The following CACNA1G variants were observed in gnomAD, a reference collection of about 807,000 sequenced individuals.
The protein encoded by CACNA1G is voltage-dependent T-type calcium channel subunit alpha-1G.
In CACNA1G, 67 loss-of-function variants were observed where a neutral mutation model predicts 219.4. The ratio of observed to expected loss-of-function variants is 0.31; its 90% confidence interval spans 0.25 to 0.37. CACNA1G has a LOEUF of 0.37. Among genes scored for constraint, CACNA1G ranks in the 10% least tolerant of loss-of-function variants. The pLI is 1.00. For synonymous variants in CACNA1G, 1,296 were observed against 1,345.3 expected, an observed-to-expected ratio of 0.96 and a Z score of 0.80; for missense variants, 2,380 against 3,231.4, an observed-to-expected ratio of 0.74 and a Z score of 6.39.
chr17:50,574,166 A>C (rs2040076892), intron 7 of CACNA1G, among the ~76,000 whole-genome samples: 1 of 152,214 alleles, frequency 6.6e-6, no homozygotes, highest in African/African-American at 2.4e-5. Context: ...CCAAGATCAC[A>C]CAGAAAGTAA....
In CACNA1G at chr17:50,575,602, G is replaced by A; in HGVS notation, c.1200G>A (p.Glu400=). ...TGGTGATTGCCACGCAGTTCTCAGA[G>A]ACCAAGCAGCGGGAAAGCCAGCTGA... The part of the protein sequence containing the change: ...CLVVIATQFS[E]TKQRESQLMR... The change falls in exon 8 of 38, where the codon GAG becomes GAA. Residue 400 remains glutamate (E), a synonymous_variant. Transcript: ENST00000359106. The A allele has an allele frequency of 6.2e-7, 1 of 1,613,670 alleles. No individual in the cohort carries two copies. The highest frequency in any genetic ancestry group is 1.1e-5 in the South Asian group (1 of 91,062).
chr17:50,583,713 G>T lies in CACNA1G; in HGVS notation c.2301+5149G>T, dbSNP rs73340233. 6.2e-3 allele frequency among the ~76,000 whole-genome samples: 946 copies of T among 152,086 alleles called. 6 individuals carry two copies. The highest frequency in any genetic ancestry group is 0.022 in the African/African-American group (903 of 41,442). ...GGTGGGTAGGAGCAGAGAGATCTAGGTGGAGGGATTAAGGCACATGCACAG... is the reference window on the plus strand; with the variant it reads ...GGTGGGTAGGAGCAGAGAGATCTAGTTGGAGGGATTAAGGCACATGCACAG... On this transcript the variant is annotated intron_variant, in intron 9 of 37. Transcript: ENST00000359106.
chr17:50,586,495 G>A (rs1424789623), intron 9 of CACNA1G, among the ~76,000 whole-genome samples: 1 of 152,206 alleles, frequency 6.6e-6, no homozygotes, highest in South Asian at 2.1e-4. Context: ...GACCTCAGCC[G>A]GGATTGAGCT....
chr17:50,617,396 C>G lies in CACNA1G; in HGVS notation c.5022-42C>G. 1.3e-6 allele frequency: 2 copies of G among 1,581,736 alleles called. No individual in the cohort carries two copies. Reference sequence around the variant, plus strand: ...CCACGACTGCCCCCTCCTTCAGGAACCCCCTCCCCCAACTCAGGGAGCTGT... The same window carrying G: ...CCACGACTGCCCCCTCCTTCAGGAAGCCCCTCCCCCAACTCAGGGAGCTGT... On this transcript the variant is annotated intron_variant, in intron 28 of 37. Coordinates refer to ENST00000359106, the MANE Select transcript of CACNA1G (RefSeq NM_018896.5). This position sits in a 1 kb window ranked among gnomAD's most constrained non-coding sequence, Gnocchi z 5.8.
intron 1 of CACNA1G, among the ~76,000 whole-genome samples, chr17:50,562,762 G>A (rs564985673): frequency 6.6e-6 from 1 of 152,286 alleles, no homozygotes; most frequent in South Asian, 2.1e-4. Flanking sequence ...CGTAGACTCC[G>A]CAGATAGGTT....
chr17:50,607,108 C>A, intron 24 of CACNA1G, 119 bp downstream of exon 24: 1 of 799,272 alleles, frequency 1.3e-6, no homozygotes, highest in Non-Finnish European at 2.2e-6. Flanking sequence ...TCATATTTTA[C>A]AGCAGAGGCT....
chr17:50,604,035 C>A, intron 21 of CACNA1G, 120 bp from the exon 22 acceptor site: 1 of 1,013,530 alleles, frequency 9.9e-7, no homozygotes, highest in Non-Finnish European at 1.4e-6. Flanking sequence ...GACTTGTGTT[C>A]TGCCACCAGA....
intron 34 of CACNA1G, among the ~76,000 whole-genome samples, chr17:50,620,380 C>T (rs1051013288): frequency 1.3e-5 from 2 of 152,208 alleles, no homozygotes; most frequent in African/African-American, 4.8e-5. Flanking sequence ...ATAGAAGGCT[C>T]CAGCTGGGAG....
rs375878431 is a variant in CACNA1G, at chr17:50,617,934, C to T, written c.5226+5C>T. 6.2e-7 allele frequency: 1 copy of T among 1,613,596 alleles called. No individual in the cohort carries two copies. The highest frequency in any genetic ancestry group is 1.1e-5 in the South Asian group (1 of 91,072). On this transcript the variant is annotated splice_donor_5th_base_variant and intron_variant, in intron 30 of 37. Coordinates refer to ENST00000359106, the MANE Select transcript of CACNA1G (RefSeq NM_018896.5). The surrounding 1 kb of genome is among the most constrained non-coding windows in gnomAD (Gnocchi z 5.8). ...GTGATGCAGGCCCTGCCCCAGGTAGCCGGGAGGTGGGGGGCCTCTGGGGAG... is the reference window on the plus strand; with the variant it reads ...GTGATGCAGGCCCTGCCCCAGGTAGTCGGGAGGTGGGGGGCCTCTGGGGAG...
intron 9 of CACNA1G, among the ~76,000 whole-genome samples, chr17:50,588,923 C>A (rs1306801601): frequency 6.6e-6 from 1 of 152,192 alleles, no homozygotes; most frequent in Non-Finnish European, 1.5e-5. Context: ...AAACTAGGGC[C>A]ATTAGGATAC....
In CACNA1G at chr17:50,590,316, G is replaced by A. The variant is rs138787952; in HGVS notation, c.2302-155G>A. On this transcript the variant is annotated intron_variant, in intron 9 of 37. Transcript: ENST00000359106. ...GGTGCATTTCCTCCTGGAGCCTTTG[G>A]GGCAGGGTCCTCCCCATGGGCCTGA... Among the ~76,000 whole-genome samples, 224 of 152,198 alleles carry A rather than the reference G, an allele frequency of 1.5e-3. 1 individual carries two copies. Among genetic ancestry groups the A allele is most frequent in the Non-Finnish European group, 2.6e-3 (178 of 67,984 alleles).
Position 50,591,734 on chromosome 17 carries a change from C to T in CACNA1G, c.2640-5C>T, listed in dbSNP as rs957599265. On this transcript the variant is annotated splice_polypyrimidine_tract_variant and splice_region_variant and intron_variant, in intron 11 of 37. Transcript: ENST00000359106. The stretch of plus-strand genomic sequence containing the variant: ...CCCTAGCTTGTGGCCCCCTTGTGCC[C>T]ACAGCATCCTGGGCATGCATCTCTT... 5.0e-6 allele frequency: 8 copies of T among 1,613,530 alleles called. No homozygotes were observed. The highest frequency in any genetic ancestry group is 1.1e-5 in the South Asian group (1 of 91,076).
At chr17:50,613,029 G>T (rs963809130) in intron 26 of CACNA1G, among the ~76,000 whole-genome samples, 2 of 152,202 alleles carry the variant, frequency 1.3e-5, no homozygotes, top group Admixed American at 1.3e-4. Context: ...GGGTGGCATC[G>T]CCAGGCCCCA....
rs942641431 is a variant in CACNA1G at position 50,569,573 on chromosome 17, G to C, written c.489-133G>C. On this transcript the variant is annotated intron_variant, in intron 3 of 37. Transcript: ENST00000359106. ...CCCCAGACAGAGAGCCGGATCTTCAGGGTCCCTTGGTGAAGAAGAAGAAGG... is the reference window on the plus strand; with the variant it reads ...CCCCAGACAGAGAGCCGGATCTTCACGGTCCCTTGGTGAAGAAGAAGAAGG... The C allele has an allele frequency of 2.3e-4, 158 of 701,444 alleles. 1 individual carries two copies. In the Admixed American group the frequency reaches 3.5e-3, roughly 15 times the overall value. The allele number at this position is 701,444 out of a possible 1,614,324, so 43.5% of individuals were successfully genotyped here.
At position 50,578,477 on chromosome 17, in the gene CACNA1G, G is replaced by A. The variant is rs754691528; in HGVS notation, c.2214G>A (p.Lys738=). 6.3e-7 allele frequency: 1 copy of A among 1,594,626 alleles called. No individual in the cohort carries two copies. The highest frequency in any genetic ancestry group is 8.6e-7 in the Non-Finnish European group (1 of 1,168,256). ...GGCTAATCTGTGACACCTTCCGAAA[G>A]ATTGTGGACAGCAAGTACTTTGGCC... ...FWRLICDTFR[K]IVDSKYFGRG... The change falls in exon 9 of 38, where the codon AAG becomes AAA. Residue 738 remains lysine, a synonymous_variant. Transcript: ENST00000359106. This position sits in a 1 kb window ranked among gnomAD's most constrained non-coding sequence, Gnocchi z 4.5.
chr17:50,611,892 G>A (rs2049289131), intron 26 of CACNA1G, among the ~76,000 whole-genome samples: 1 of 152,176 alleles, frequency 6.6e-6, no homozygotes, highest in South Asian at 2.1e-4. Context: ...CCCATTCCGG[G>A]TACCTTCTGC....
At position 50,594,981 on chromosome 17, in the gene CACNA1G, C is replaced by A. The variant is rs950810148; in HGVS notation, c.2911-12C>A. On this transcript the variant is annotated splice_polypyrimidine_tract_variant and intron_variant, in intron 13 of 37. Transcript: ENST00000359106. ...ACCAGCAGCCCTCCCCTGCCTCCCC[C>A]TTTCCCTGTAGGAAATCAGCAAACG... The A allele has an allele frequency of 1.3e-6, 2 of 1,552,144 alleles. No individual in the cohort carries two copies. Among genetic ancestry groups the A allele is most frequent in the African/African-American group, 1.4e-5 (1 of 73,110 alleles).
intron 21 of CACNA1G, 68 bp from the exon 22 acceptor site, chr17:50,604,087 A>T: frequency 6.6e-7 from 1 of 1,513,708 alleles, no homozygotes. Flanking sequence ...GGTGGGGAGC[A>T]GGGTCAAGGG....
At position 50,624,503 on chromosome 17, in the gene CACNA1G, T is replaced by C. The variant is rs779446306; in HGVS notation, c.6373T>C (p.Leu2125=). The change falls in exon 37 of 38, where the codon TTG becomes CTG. Residue 2125 remains leucine, a synonymous_variant. Coordinates refer to ENST00000359106, the MANE Select transcript of CACNA1G (RefSeq NM_018896.5). ...ACTGCCCCCACCAGGACGCTCCCCT[T>C]TGGCTCAGAGGCCACTCAGGCGCCA... ...PKLPPPGRSP[L]AQRPLRRQAA... is the part of the protein sequence containing the mutation. 3.8e-6 allele frequency: 6 copies of C among 1,598,132 alleles called. No homozygotes were observed. Among genetic ancestry groups the C allele is most frequent in the Non-Finnish European group, 5.1e-6 (6 of 1,172,746 alleles).
Sources: allele counts gnomAD v4.1 joint callset (sites outside exome capture counted in the v4.1 genomes callset), GRCh38; gene constraint gnomAD v4.1.1; non-coding constraint Gnocchi (gnomAD v3.1); transcripts MANE v1.5; gene names NCBI Gene and HGNC (gene_info 2026-07-23, HGNC 2026-07-21).